ITGA11: variants seen among roughly 807,000 people sequenced by gnomAD.
ITGA11 encodes integrin alpha-11.
Under a neutral mutation model 141.9 loss-of-function variants are expected in ITGA11, and 97 were observed. The ratio of observed to expected loss-of-function variants is 0.68; its 90% CI spans 0.58 to 0.81. The LOEUF (loss-of-function observed/expected upper bound fraction) is 0.81, where lower values mean the gene tolerates loss of function less well. Ranked by LOEUF, ITGA11 falls within the 30% of genes least tolerant of loss-of-function variation. The pLI is 0.00. For missense variants in ITGA11, 1,387 were observed against 1,559.2 expected, an observed-to-expected ratio of 0.89 and a Z score of 1.86; for synonymous variants, 658 against 624.6, an observed-to-expected ratio of 1.05 and a Z score of -0.80.
At chr15:68,406,701 G>A (rs1896657968) in intron 1 of ITGA11, among the ~76,000 whole-genome samples, 1 of 152,144 alleles carries the variant, frequency 6.6e-6, no homozygotes. Context: ...TATCCTCAGT[G>A]CCTTGAATGG....
rs3784335 is a variant in ITGA11, at chr15:68,324,158, A to G, written c.2322+973T>C. On this transcript the variant is annotated intron_variant, in intron 18 of 29. Coordinates refer to ENST00000315757, the MANE Select transcript of ITGA11 (RefSeq NM_001004439.2). This position sits in a 1 kb window ranked among gnomAD's most constrained non-coding sequence, Gnocchi z 6.3. ...AGAAAGAGGGGAGGTGTGAGGACGG[A>G]GGTTTGGCAGGGGACTGTGGGAGGC... Among the ~76,000 whole-genome samples, 128,590 of 150,638 alleles carry G rather than the reference A, an allele frequency of 0.85. 54,932 individuals carry two copies. The highest frequency in any genetic ancestry group is 0.93 in the South Asian group (4,386 of 4,738).
At chr15:68,315,779 C>T in intron 21 of ITGA11, 52 bp from the exon 22 acceptor site, 1 of 1,427,706 alleles carries the variant, frequency 7.0e-7, no homozygotes, top group Non-Finnish European at 9.6e-7. Context: ...GCCCCGCCCA[C>T]TCCCCACAGC....
Position 68,328,895 on chromosome 15 carries a change from C to T in ITGA11, c.1902-633G>A, listed in dbSNP as rs1294455211. Among the ~76,000 whole-genome samples the T allele has an allele frequency of 6.6e-6, 1 of 152,164 alleles. No individual in the cohort carries two copies. The highest frequency in any genetic ancestry group is 2.4e-5 in the African/African-American group (1 of 41,420). On this transcript the variant is annotated intron_variant, in intron 15 of 29. Transcript: ENST00000315757. This position sits in a 1 kb window ranked among gnomAD's most constrained non-coding sequence, Gnocchi z 4.8. Reference sequence around the variant, plus strand: ...CAACGTGCAGCCAGCATCCATCTAACCCCCACACTACCCCATCCAGGTAAC... The same window carrying T: ...CAACGTGCAGCCAGCATCCATCTAATCCCCACACTACCCCATCCAGGTAAC...
At chr15:68,338,977 C>T (rs1272096857) in intron 11 of ITGA11, among the ~76,000 whole-genome samples, 1 of 152,196 alleles carries the variant, frequency 6.6e-6, no homozygotes, top group Non-Finnish European at 1.5e-5. Flanking sequence ...GTGACTTTGG[C>T]CAGCAGGCTA....
rs1393430270 is a variant in ITGA11, at chr15:68,308,022, A to G, written c.3175-326T>C. Among the ~76,000 whole-genome samples the G allele has an allele frequency of 6.6e-6, 1 of 152,238 alleles. No individual in the cohort carries two copies. The highest frequency in any genetic ancestry group is 1.9e-4 in the East Asian group (1 of 5,204). The stretch of plus-strand genomic sequence containing the variant: ...TAAACACATTAAGATAAAAAATTCT[A>G]TGATCGCTGCAACAGATGCAGAAAA... On this transcript the variant is annotated intron_variant, in intron 26 of 29. Coordinates refer to ENST00000315757, the MANE Select transcript of ITGA11 (RefSeq NM_001004439.2). The surrounding 1 kb of genome is among the most constrained non-coding windows in gnomAD (Gnocchi z 5.2).
Position 68,320,527 on chromosome 15 carries a change from G to T in ITGA11, c.2409-135C>A, listed in dbSNP as rs149853428. On this transcript the variant is annotated intron_variant, in intron 19 of 29. Coordinates refer to ENST00000315757, the MANE Select transcript of ITGA11 (RefSeq NM_001004439.2). Reference sequence around the variant, plus strand: ...CTGCTCATGGGAATAGCCACTGGGAGGAGAGTGGAAATGGATGGCAGGGCT... The same window carrying T: ...CTGCTCATGGGAATAGCCACTGGGATGAGAGTGGAAATGGATGGCAGGGCT... 3,535 of 659,080 alleles carry T rather than the reference G, an allele frequency of 5.4e-3. 12 individuals carry two copies. The highest frequency in any genetic ancestry group is 7.4e-3 in the Non-Finnish European group (2,855 of 385,912). 40.8% of individuals were successfully genotyped at this position (659,080 alleles called of 1,614,324 possible). A position where few individuals can be genotyped will look rare whatever the true frequency, so the allele number is the denominator to read the frequency against.
In ITGA11 at chr15:68,332,039, C is replaced by T. The variant is rs372493877; in HGVS notation, c.1590G>A (p.Thr530=). Residue 530 remains threonine, a synonymous_variant, in exon 14 of 30, where the codon ACG becomes ACA. Coordinates refer to ENST00000315757, the MANE Select transcript of ITGA11 (RefSeq NM_001004439.2). Reference sequence around the variant, plus strand: ...TCTGGTAACTGTGTGAATCCTTTAGCGTTCCGTTATAAACAAACAGGTTCT... The same window carrying T: ...TCTGGTAACTGTGTGAATCCTTTAGTGTTCCGTTATAAACAAACAGGTTCT... The part of the protein sequence containing the change: ...LRQNLFVYNG[T]LKDSHSYQNA... The T allele has an allele frequency of 2.1e-5, 34 of 1,606,670 alleles. No homozygotes were observed. The highest frequency in any genetic ancestry group is 1.0e-4 in the Admixed American group (6 of 58,796).
At chr15:68,428,161 G>T (rs780130024) in intron 1 of ITGA11, among the ~76,000 whole-genome samples, 3 of 152,110 alleles carry the variant, frequency 2.0e-5, no homozygotes, top group Non-Finnish European at 4.4e-5. Flanking sequence ...GAAGAAACAG[G>T]GGCTTTTAAA....
chr15:68,418,024 C>T (rs192299904), intron 1 of ITGA11, among the ~76,000 whole-genome samples: 2 of 152,306 alleles, frequency 1.3e-5, no homozygotes, highest in East Asian at 1.9e-4. Context: ...AGTCTGCATA[C>T]AAGAGCTGAT....
chr15:68,376,954 G>C (rs1168861963), intron 2 of ITGA11, among the ~76,000 whole-genome samples: 1 of 152,206 alleles, frequency 6.6e-6, no homozygotes, highest in Non-Finnish European at 1.5e-5. Flanking sequence ...GGGAAGCCCT[G>C]TTTGAAGGAT....
chr15:68,330,001 C>T (rs541633179), intron 15 of ITGA11, among the ~76,000 whole-genome samples: 13 of 152,340 alleles, frequency 8.5e-5, no homozygotes, highest in East Asian at 1.9e-4. Context: ...GGCTGTTTTA[C>T]GCCACACTGG....
At chr15:68,386,652 C>A (rs560846711) in intron 2 of ITGA11, among the ~76,000 whole-genome samples, 12 of 152,262 alleles carry the variant, frequency 7.9e-5, no homozygotes. Context: ...GGGGGCAGCC[C>A]ATCTCCCAAC....
intron 10 of ITGA11, among the ~76,000 whole-genome samples, chr15:68,348,195 T>A (rs1010386289): frequency 1.6e-4 from 25 of 152,126 alleles, no homozygotes; most frequent in African/African-American, 4.8e-4. Flanking sequence ...GCCCCAGATG[T>A]CACATGTTGC....
Position 68,324,985 on chromosome 15 carries a change from G to C in ITGA11, c.2322+146C>G, listed in dbSNP as rs1893923964. 3.0e-6 allele frequency: 2 copies of C among 668,746 alleles called. No homozygotes were observed. The highest frequency in any genetic ancestry group is 2.7e-5 in the East Asian group (1 of 37,006). The allele number at this position is 668,746 out of a possible 1,614,324, so 41.4% of individuals were successfully genotyped here. A position where few individuals can be genotyped will look rare whatever the true frequency, so the allele number is the denominator to read the frequency against. ...GAGAGAGGCAGGAAGGAGCCACACT[G>C]TGGGTTTGCCAGGACAGGAGGTGGG... On this transcript the variant is annotated intron_variant, in intron 18 of 29. Coordinates refer to ENST00000315757, the MANE Select transcript of ITGA11 (RefSeq NM_001004439.2). The surrounding 1 kb of genome is among the most constrained non-coding windows in gnomAD (Gnocchi z 6.3).
At chr15:68,371,403 C>T (rs1895585404) in intron 2 of ITGA11, among the ~76,000 whole-genome samples, 1 of 152,118 alleles carries the variant, frequency 6.6e-6, no homozygotes, top group African/African-American at 2.4e-5. Flanking sequence ...TCAGGCGCAG[C>T]ATGTTCTAGA....
intron 23 of ITGA11, among the ~76,000 whole-genome samples, chr15:68,313,223 C>T (rs1893453536): frequency 1.3e-5 from 2 of 151,900 alleles, no homozygotes; most frequent in African/African-American, 2.4e-5. Flanking sequence ...CCTGAGCTTC[C>T]TCTCCGCATC....
At position 68,305,445 on chromosome 15, in the gene ITGA11, TTGTC is replaced by T. The variant is rs1488242178; in HGVS notation, c.3382-1564_3382-1561del. Among the ~76,000 whole-genome samples, 1 of 152,196 alleles carries T rather than the reference TTGTC, an allele frequency of 6.6e-6. No homozygotes were observed. Among genetic ancestry groups the T allele is most frequent in the African/African-American group, 2.4e-5 (1 of 41,448 alleles). ...TGTCAGCTGTAGGAGAGTGGGGGCTTTGTCTGTTTTGTCCCTGCTCTATCCTCAG... is the reference window on the plus strand; with the variant it reads ...TGTCAGCTGTAGGAGAGTGGGGGCTTTGTTTTGTCCCTGCTCTATCCTCAG... On this transcript the variant is annotated intron_variant, in intron 28 of 29. Coordinates refer to ENST00000315757, the MANE Select transcript of ITGA11 (RefSeq NM_001004439.2). This position sits in a 1 kb window ranked among gnomAD's most constrained non-coding sequence, Gnocchi z 4.6.
chr15:68,320,159 G>T (rs201235658), intron 20 of ITGA11, 26 bp downstream of exon 20: 1 of 1,607,552 alleles, frequency 6.2e-7, no homozygotes, highest in South Asian at 1.1e-5. Context: ...GGCAGAGGCA[G>T]TCTGGGCAGG....
chr15:68,372,732 C>T (rs1225189761), intron 2 of ITGA11, among the ~76,000 whole-genome samples: 2 of 152,172 alleles, frequency 1.3e-5, no homozygotes, highest in South Asian at 2.1e-4. Context: ...CCTGCAGGAC[C>T]CAGACTAAGA....
Sources: gnomAD v4.1 joint callset for allele counts (sites outside exome capture counted in the v4.1 genomes callset) on GRCh38, gnomAD v4.1.1 for gene constraint, Gnocchi (gnomAD v3.1) non-coding constraint, MANE v1.5 for transcripts, NCBI Gene and HGNC (gene_info 2026-07-23, HGNC 2026-07-21) for gene names.